Variants in FSTL4 observed in about 807,000 individuals in gnomAD.
The protein encoded by FSTL4 is follistatin-related protein 4.
In FSTL4, 28 loss-of-function variants were observed where a neutral mutation model predicts 78.2. That is an observed-to-expected ratio of 0.36 (90% CI 0.27 to 0.49). FSTL4 has a LOEUF of 0.49. FSTL4 is among the 20% of genes least tolerant of loss of function. The probability of loss-of-function intolerance (pLI) is 0.98; values close to 1 mark genes in which losing one functional copy is unlikely to be tolerated. For synonymous variants in FSTL4, 422 were observed against 440.5 expected (o/e 0.96, Z 0.53); for missense variants, 922 against 1,084.9 (o/e 0.85, Z 2.11).
At chr5:133,542,780 T>C (rs1759502872) in intron 3 of FSTL4, among the ~76,000 whole-genome samples, 1 of 152,112 alleles carries the variant, frequency 6.6e-6, no homozygotes, top group Non-Finnish European at 1.5e-5. Flanking sequence ...AATTATTACA[T>C]CTTCTTTTCA....
At chr5:133,780,028 A>T in the FSTL4 span, among the ~76,000 whole-genome samples, 1 of 152,176 alleles carries the variant, frequency 6.6e-6, no homozygotes, top group Non-Finnish European at 1.5e-5. Flanking sequence ...CCCTGGAAAC[A>T]GCATGGGTCA....
At position 133,506,088 on chromosome 5, in the gene FSTL4, G is replaced by A. The variant is rs147859829; in HGVS notation, c.160+61098C>T. 1.0e-2 allele frequency among the ~76,000 whole-genome samples: 1,517 copies of A among 152,260 alleles called. 26 individuals carry two copies. Among genetic ancestry groups the A allele is most frequent in the African/African-American group, 0.035 (1,447 of 41,552 alleles). ...ACCTTCAGGAAGTCTTCATTGAATG[G>A]AAAATCATCAGAGCTGTCACCCAAA... On this transcript the variant is annotated intron_variant, in intron 3 of 15. Transcript: ENST00000265342.
rs1757146234 is a variant in FSTL4 at position 133,440,925 on chromosome 5, G to A, written c.161-39939C>T. ...GCCTCCTGGGTCTGGGTCAGGGCCA[G>A]CCCTGCTCCTGAGGATAGTCAGAAA... On this transcript the variant is annotated intron_variant, in intron 3 of 15. Coordinates refer to ENST00000265342, the MANE Select transcript of FSTL4 (RefSeq NM_015082.2). This position sits in a 1 kb window ranked among gnomAD's most constrained non-coding sequence, Gnocchi z 4.1. 1.3e-5 allele frequency among the ~76,000 whole-genome samples: 2 copies of A among 152,182 alleles called. No homozygotes were observed. The highest frequency in any genetic ancestry group is 4.8e-5 in the African/African-American group (2 of 41,430).
At chr5:133,264,205 C>T (rs912908262) in intron 6 of FSTL4, among the ~76,000 whole-genome samples, 3 of 152,146 alleles carry the variant, frequency 2.0e-5, no homozygotes, top group South Asian at 2.1e-4. Context: ...CCAATAGTGG[C>T]GCTGTTGAGA....
At chr5:133,494,095 C>T (rs1345017014) in intron 3 of FSTL4, among the ~76,000 whole-genome samples, 1 of 152,158 alleles carries the variant, frequency 6.6e-6, no homozygotes, top group East Asian at 1.9e-4. Context: ...TATCTGGTTC[C>T]TATGACAGCC....
the FSTL4 span, among the ~76,000 whole-genome samples, chr5:133,752,568 C>T: frequency 1.3e-5 from 2 of 151,936 alleles, no homozygotes; most frequent in East Asian, 1.9e-4. Flanking sequence ...TAAGATTGCG[C>T]CACTGTACTC....
chr5:133,618,891 A>G, the FSTL4 span, among the ~76,000 whole-genome samples: 2 of 152,358 alleles, frequency 1.3e-5, no homozygotes, highest in Non-Finnish European at 1.5e-5. Context: ...ATCTATTGGT[A>G]TATTTAATTA....
chr5:133,804,449 T>A, the FSTL4 span, among the ~76,000 whole-genome samples: 1 of 152,176 alleles, frequency 6.6e-6, no homozygotes, highest in Non-Finnish European at 1.5e-5. Context: ...ATAAGTGAAC[T>A]TAACCTAGTG....
At chr5:133,570,661 G>A (rs1392162467) in intron 2 of FSTL4, among the ~76,000 whole-genome samples, 1 of 152,026 alleles carries the variant, frequency 6.6e-6, no homozygotes, top group African/African-American at 2.4e-5. Context: ...TCTTCTTTGT[G>A]CCATAAAAAA....
the FSTL4 span, among the ~76,000 whole-genome samples, chr5:133,839,541 T>A: frequency 1.2e-5 from 1 of 85,506 alleles, no homozygotes; most frequent in South Asian, 4.4e-4. Flanking sequence ...TGAGGGGCTA[T>A]CTTTTTATTA....
chr5:133,798,471 T>C, the FSTL4 span, among the ~76,000 whole-genome samples: 1 of 151,252 alleles, frequency 6.6e-6, no homozygotes, highest in African/African-American at 2.4e-5. Flanking sequence ...TTCCTGGACA[T>C]GGTTTTATGT....
intron 5 of FSTL4, among the ~76,000 whole-genome samples, chr5:133,315,557 G>C (rs1180425302): frequency 1.3e-5 from 2 of 152,140 alleles, no homozygotes; most frequent in African/African-American, 2.4e-5. Context: ...TCAAAGGTGG[G>C]AACCTGTCTT....
rs1013218618 is a variant in FSTL4 at position 133,498,123 on chromosome 5, G to C, written c.160+69063C>G. On this transcript the variant is annotated intron_variant, in intron 3 of 15. Coordinates refer to ENST00000265342, the MANE Select transcript of FSTL4 (RefSeq NM_015082.2). ...TACATACTGGGAGTTGGAGCAGTGG[G>C]TGTACTGTGCAAATGAGACTTCCAG... is the stretch of plus-strand genomic sequence containing the variant. 6.6e-5 allele frequency among the ~76,000 whole-genome samples: 10 copies of C among 152,290 alleles called. No individual in the cohort carries two copies. In the East Asian group the frequency reaches 1.9e-3, roughly 30 times the overall value.
At chr5:133,605,281 T>A (rs1329877702) in intron 1 of FSTL4, among the ~76,000 whole-genome samples, 2 of 152,200 alleles carry the variant, frequency 1.3e-5, no homozygotes, top group African/African-American at 4.8e-5. Flanking sequence ...TGGTCCACAC[T>A]GCATCCTGAT....
chr5:133,394,014 C>T (rs1232733438), intron 4 of FSTL4, among the ~76,000 whole-genome samples: 1 of 152,210 alleles, frequency 6.6e-6, no homozygotes, highest in Non-Finnish European at 1.5e-5. Flanking sequence ...TGAGCCCTAA[C>T]TAAAAACAGC....
chr5:133,601,548 C>A (rs899442130), intron 2 of FSTL4, among the ~76,000 whole-genome samples: 4 of 152,150 alleles, frequency 2.6e-5, no homozygotes, highest in African/African-American at 9.7e-5. Flanking sequence ...CTGCACGAGG[C>A]CCCTGGTGGG....
chr5:133,581,695 T>C (rs1760413970), intron 2 of FSTL4, among the ~76,000 whole-genome samples: 1 of 152,248 alleles, frequency 6.6e-6, no homozygotes, highest in South Asian at 2.1e-4. Context: ...AGTTCTCAAA[T>C]GGGGACATTT....
At chr5:133,743,695 G>C in the FSTL4 span, among the ~76,000 whole-genome samples, 1 of 152,188 alleles carries the variant, frequency 6.6e-6, no homozygotes. Context: ...ATAATTATCT[G>C]TAAACAAGAT....
At chr5:133,452,039 C>G (rs945293784) in intron 3 of FSTL4, among the ~76,000 whole-genome samples, 5 of 152,212 alleles carry the variant, frequency 3.3e-5, no homozygotes, top group Non-Finnish European at 5.9e-5. Flanking sequence ...GAGCCCACAC[C>G]TGGCTGGGGA....
Sources: allele counts gnomAD v4.1 joint callset (sites outside exome capture counted in the v4.1 genomes callset), GRCh38; gene constraint gnomAD v4.1.1; non-coding constraint Gnocchi (gnomAD v3.1); transcripts MANE v1.5; gene names NCBI Gene and HGNC (gene_info 2026-07-23, HGNC 2026-07-21).